The following ADGRE5 variants were observed in gnomAD, a reference collection of about 807,000 sequenced individuals.
ADGRE5 encodes the protein CD97 molecule.
ADGRE5 carries 72 observed loss-of-function variants against 100.3 expected under a neutral mutation model. The ratio of observed to expected loss-of-function variants is 0.72; its 90% CI spans 0.59 to 0.87. The LOEUF is 0.87. Among genes scored for constraint, ADGRE5 ranks in the 40% least tolerant of loss-of-function variants. The pLI is 0.00. For missense variants in ADGRE5, 959 were observed against 1,094.7 expected, an observed-to-expected ratio of 0.88 and a Z score of 1.75; for synonymous variants, 439 against 447.8, an observed-to-expected ratio of 0.98 and a Z score of 0.25.
chr19:14,405,685 C>A, intron 13 of ADGRE5, 63 bp from the exon 14 acceptor site: 1 of 1,272,664 alleles, frequency 7.9e-7, no homozygotes, highest in South Asian at 1.3e-5. Flanking sequence ...GAAAAGGGAC[C>A]ACAAAGAGGG....
chr19:14,405,331 C>T (rs949305215), intron 13 of ADGRE5: 12 of 162,844 alleles, frequency 7.4e-5, no homozygotes, highest in African/African-American at 2.6e-4. Flanking sequence ...TTAGTAGAGG[C>T]GGGGTTTCAC....
intron 4 of ADGRE5, among the ~76,000 whole-genome samples, chr19:14,393,755 C>T (rs1412711328): frequency 6.6e-6 from 1 of 152,176 alleles, no homozygotes; most frequent in African/African-American, 2.4e-5. Flanking sequence ...CGTACACCTG[C>T]GTGGAGCCCA....
In ADGRE5 at chr19:14,393,317, G is replaced by A. The variant is rs148670611; in HGVS notation, c.346+2238G>A. Among the ~76,000 whole-genome samples, 1,438 of 152,216 alleles carry A rather than the reference G, an allele frequency of 9.4e-3. 30 individuals carry two copies. The highest frequency in any genetic ancestry group is 0.033 in the African/African-American group (1,376 of 41,524). ...TGATGCGCCCCCAGGATGGGTATCCGTAGGGTGCGAGATCAGAGAGCAGCT... is the reference window on the plus strand; with the variant it reads ...TGATGCGCCCCCAGGATGGGTATCCATAGGGTGCGAGATCAGAGAGCAGCT... On this transcript the variant is annotated intron_variant, in intron 4 of 19. Transcript: ENST00000242786.
intron 1 of ADGRE5, among the ~76,000 whole-genome samples, chr19:14,385,810 A>C (rs1312270153): frequency 8.2e-5 from 12 of 145,890 alleles, no homozygotes; most frequent in Admixed American, 2.1e-4. Flanking sequence ...TTGCTCTGTC[A>C]CTCAGGCTGG....
rs777318452 is a variant in ADGRE5 at position 14,406,949 on chromosome 19, AAAG to A, written c.2200_2202del (p.Lys734del). ...AAATCAATCCAGACATGAAGAAATTAAAGAAGGCGAGGTGAGAGGAGAGGCTGG... is the reference window on the plus strand; with the variant it reads ...AAATCAATCCAGACATGAAGAAATTAAAGGCGAGGTGAGAGGAGAGGCTGG... On this transcript the variant is annotated inframe_deletion, in exon 17 of 20. Coordinates refer to ENST00000242786, the MANE Select transcript of ADGRE5 (RefSeq NM_078481.4). The surrounding 1 kb of genome is among the most constrained non-coding windows in gnomAD (Gnocchi z 6.0). The A allele has an allele frequency of 1.2e-6, 2 of 1,614,100 alleles. No individual in the cohort carries two copies. Among genetic ancestry groups the A allele is most frequent in the Non-Finnish European group, 1.7e-6 (2 of 1,179,952 alleles).
At position 14,405,482 on chromosome 19, in the gene ADGRE5, A is replaced by G. The variant is rs561583999; in HGVS notation, c.1630-266A>G. 4 of 446,102 alleles carry G rather than the reference A, an allele frequency of 9.0e-6. No homozygotes were observed. In the South Asian group the frequency reaches 1.4e-4, roughly 16 times the overall value. 27.6% of individuals were successfully genotyped at this position (446,102 alleles called of 1,614,324 possible). On this transcript the variant is annotated intron_variant, in intron 13 of 19. Coordinates refer to ENST00000242786, the MANE Select transcript of ADGRE5 (RefSeq NM_078481.4). ...TCTGTACGTGACTTCAGTAGGATCC[A>G]TCGTTAAGCTGGGCCTTGTCGAAAA... is the stretch of plus-strand genomic sequence containing the variant.
chr19:14,388,228 A>C (rs373259044), intron 1 of ADGRE5, among the ~76,000 whole-genome samples: 122 of 144,688 alleles, frequency 8.4e-4, no homozygotes, highest in African/African-American at 2.7e-3. Flanking sequence ...AGCCTGTGTC[A>C]AAAAAAAAAC....
At chr19:14,391,166 C>T (rs138351596) in intron 4 of ADGRE5, 87 bp downstream of exon 4, 40 of 1,569,890 alleles carry the variant, frequency 2.5e-5, no homozygotes, top group Admixed American at 1.0e-4. Flanking sequence ...AGAGCAGGGC[C>T]TTGGTTGTAG....
intron 9 of ADGRE5, among the ~76,000 whole-genome samples, chr19:14,400,020 T>G (rs1248140184): frequency 1.3e-5 from 2 of 151,886 alleles, no homozygotes; most frequent in Non-Finnish European, 2.9e-5. Flanking sequence ...TTTTTCATTT[T>G]TTTTTTTTCT....
chr19:14,398,447 A>G (rs1050024629), intron 9 of ADGRE5: 1 of 330,970 alleles, frequency 3.0e-6, no homozygotes, highest in South Asian at 3.2e-5. Context: ...AGGTGGGCAG[A>G]TCACGCGGTC....
In ADGRE5 at chr19:14,405,893, T is replaced by G. The variant is rs755469223; in HGVS notation, c.1775T>G (p.Val592Gly). ...CTGCACCTCTGCATCTGCCTCTTCG[T>G]GGGCTCCACCATCTTCCTGGCCGGC... is the stretch of plus-strand genomic sequence containing the variant. ...IHLHLCICLF[V>G]GSTIFLAGIE... The change falls in exon 14 of 20, where the codon GTG (valine) becomes GGG (glycine). Residue 592 changes from valine (V) to glycine (G), a missense_variant. Transcript: ENST00000242786. 3.7e-6 allele frequency: 6 copies of G among 1,611,754 alleles called. No homozygotes were observed. In the African/African-American group the frequency reaches 6.7e-5, roughly 18 times the overall value.
At chr19:14,388,327 G>A in intron 1 of ADGRE5, 123 bp from the exon 2 acceptor site, 2 of 1,525,672 alleles carry the variant, frequency 1.3e-6, no homozygotes, top group Non-Finnish European at 1.8e-6. Flanking sequence ...TGCTCACTCT[G>A]AACGACCGTC....
At chr19:14,399,242 G>A (rs1975907822) in intron 9 of ADGRE5, among the ~76,000 whole-genome samples, 1 of 151,758 alleles carries the variant, frequency 6.6e-6, no homozygotes, top group African/African-American at 2.4e-5. Flanking sequence ...ACTCAGAACA[G>A]TGCCTGACAC....
intron 1 of ADGRE5, among the ~76,000 whole-genome samples, chr19:14,382,725 T>C (rs1371243887): frequency 6.7e-6 from 1 of 148,374 alleles, no homozygotes; most frequent in Non-Finnish European, 1.5e-5. Flanking sequence ...TTTTTTTTTT[T>C]TGAGACAAAG....
chr19:14,386,012 C>A (rs1404650094), intron 1 of ADGRE5, among the ~76,000 whole-genome samples: 1 of 151,414 alleles, frequency 6.6e-6, no homozygotes, highest in South Asian at 2.1e-4. Flanking sequence ...CTCAAGTGAT[C>A]CACCCGCCTC....
At position 14,388,718 on chromosome 19, in the gene ADGRE5, C is replaced by T; in HGVS notation, c.90C>T (p.Cys30=). The T allele has an allele frequency of 1.2e-6, 2 of 1,613,820 alleles. No homozygotes were observed. Among genetic ancestry groups the T allele is most frequent in the Non-Finnish European group, 1.7e-6 (2 of 1,179,994 alleles). The change falls in exon 3 of 20, where the codon TGC becomes TGT. Residue 30 remains cysteine (C), a synonymous_variant. Transcript: ENST00000242786. ...CTCTTGCAGGCTGTGCCCGGTGGTG[C>T]CCTCAGAACTCCTCGTGTGTCAATG... ...TQDSRGCARW[C]PQNSSCVNAT... is the part of the protein sequence containing the mutation.
intron 11 of ADGRE5, 58 bp from the exon 12 acceptor site, chr19:14,402,539 A>G (rs2146370769): frequency 1.3e-6 from 2 of 1,585,420 alleles, no homozygotes; most frequent in Non-Finnish European, 1.7e-6. Context: ...CTTGGGAGGG[A>G]GGATAGAGCA....
chr19:14,381,636 CTG>C, intron 1 of ADGRE5, 91 bp downstream of exon 1: 1 of 1,433,814 alleles, frequency 7.0e-7, no homozygotes, highest in South Asian at 1.3e-5. Context: ...CCGCTGGTGT[CTG>C]TGGGGCCTGC....
At chr19:14,393,335 G>C (rs369489220) in intron 4 of ADGRE5, among the ~76,000 whole-genome samples, 1 of 152,234 alleles carries the variant, frequency 6.6e-6, no homozygotes, top group Admixed American at 6.5e-5. Flanking sequence ...CGAGATCAGA[G>C]AGCAGCTGCA....
Sources: allele counts gnomAD v4.1 joint callset (sites outside exome capture counted in the v4.1 genomes callset), GRCh38; gene constraint gnomAD v4.1.1; non-coding constraint Gnocchi (gnomAD v3.1); transcripts MANE v1.5; gene names NCBI Gene and HGNC (gene_info 2026-07-23, HGNC 2026-07-21).